The following RRM2B variants were observed in gnomAD, a reference collection of about 807,000 sequenced individuals.
The protein encoded by RRM2B is ribonucleotide reductase regulatory TP53 inducible subunit M2B.
Under a neutral mutation model 45.9 loss-of-function variants are expected in RRM2B, and 20 were observed. That is an observed-to-expected ratio of 0.44 (90% CI 0.31 to 0.63). The LOEUF is 0.63. Ranked by LOEUF, RRM2B falls within the 30% of genes least tolerant of loss-of-function variation. RRM2B has a pLI of 0.09. For missense variants in RRM2B, 320 were observed against 414.7 expected, an observed-to-expected ratio of 0.77 and a Z score of 1.98; for synonymous variants, 124 against 132.3, an observed-to-expected ratio of 0.94 and a Z score of 0.43.
At chr8:102,236,035 A>T (rs940686407) in intron 1 of RRM2B, among the ~76,000 whole-genome samples, 4 of 152,222 alleles carry the variant, frequency 2.6e-5, no homozygotes, top group African/African-American at 9.6e-5. Flanking sequence ...GCTGATATTT[A>T]AAGGGCAGAT....
Position 102,232,188 on chromosome 8 carries a change from C to T in RRM2B, c.165G>A (p.Met55Ile). The T allele has an allele frequency of 1.9e-6, 3 of 1,614,188 alleles. No individual in the cohort carries two copies. The highest frequency in any genetic ancestry group is 2.5e-6 in the Non-Finnish European group (3 of 1,180,020). Residue 55 changes from methionine to isoleucine, a missense_variant, in exon 2 of 9, where the codon ATG (methionine) becomes ATA (isoleucine). This residue lies in a region of RRM2B where 225 missense variants were observed against 289.4 expected (regional missense o/e 0.78). Coordinates refer to ENST00000251810, the MANE Select transcript of RRM2B (RefSeq NM_015713.5). ...FPIQYPDIWK[M>I]YKQAQASFWT... ...AGAAGGAAGCCTGTGCCTGTTTATA[C>T]ATTTTCCAAATATCAGGGTACTGGA...
intron 3 of RRM2B, 32 bp from the exon 4 acceptor site, chr8:102,225,050 T>C (rs751980450): frequency 1.3e-5 from 21 of 1,611,008 alleles, no homozygotes; most frequent in Non-Finnish European, 1.3e-5. Context: ...ATATATCCAG[T>C]TCTATAGGCT....
intron 6 of RRM2B, among the ~76,000 whole-genome samples, chr8:102,214,547 G>A (rs1810692543): frequency 6.6e-6 from 1 of 151,044 alleles, no homozygotes; most frequent in Non-Finnish European, 1.5e-5. Context: ...AATAACAGAT[G>A]AAACTCAGAT....
At chr8:102,222,080 A>T (rs866558584) in intron 5 of RRM2B, among the ~76,000 whole-genome samples, 11 of 143,362 alleles carry the variant, frequency 7.7e-5, no homozygotes, top group South Asian at 2.2e-4. Flanking sequence ...TCCTATTTAA[A>T]TTTTTTTTTT....
chr8:102,231,868 CAAAAA>C (rs1250881056), intron 2 of RRM2B, among the ~76,000 whole-genome samples: 2 of 61,696 alleles, frequency 3.2e-5, no homozygotes, highest in African/African-American at 5.2e-5. Flanking sequence ...GACTCTGTCT[CAAAAA>C]AAAAAAAAAA....
intron 8 of RRM2B, among the ~76,000 whole-genome samples, chr8:102,210,596 A>G (rs1298994144): frequency 2.0e-5 from 3 of 151,734 alleles, no homozygotes; most frequent in Non-Finnish European, 4.4e-5. Flanking sequence ...CCGAGTAGCT[A>G]GGATTACAGG....
intron 7 of RRM2B, among the ~76,000 whole-genome samples, chr8:102,213,677 C>T (rs1267997416): frequency 6.6e-6 from 1 of 151,610 alleles, no homozygotes; most frequent in African/African-American, 2.4e-5. Flanking sequence ...AGCTAGGTAC[C>T]TTGCTACGTT....
chr8:102,220,235 C>A (rs1810807178), intron 5 of RRM2B, among the ~76,000 whole-genome samples: 1 of 152,100 alleles, frequency 6.6e-6, no homozygotes, highest in Non-Finnish European at 1.5e-5. Flanking sequence ...GAGCCCATCT[C>A]AAAAATCATC....
intron 6 of RRM2B, among the ~76,000 whole-genome samples, chr8:102,215,937 C>G: frequency 9.0e-6 from 1 of 111,556 alleles, no homozygotes; most frequent in Non-Finnish European, 1.8e-5. Context: ...AGAGAAAGAC[C>G]CTGTCTCAAA....
intron 1 of RRM2B, among the ~76,000 whole-genome samples, chr8:102,237,229 T>C (rs1342423184): frequency 6.6e-6 from 1 of 152,204 alleles, no homozygotes; most frequent in African/African-American, 2.4e-5. Flanking sequence ...CTCTGAGAAA[T>C]TGACAATAAC....
At chr8:102,223,507 AC>A (rs1325153763) in intron 5 of RRM2B, among the ~76,000 whole-genome samples, 2 of 152,148 alleles carry the variant, frequency 1.3e-5, no homozygotes, top group Admixed American at 1.3e-4. Context: ...AGTCTGGCCA[AC>A]ATGGCAAAAC....
chr8:102,212,314 A>G lies in RRM2B; in HGVS notation c.903+462T>C, dbSNP rs58884526. Among the ~76,000 whole-genome samples, 409 of 152,330 alleles carry G rather than the reference A, an allele frequency of 2.7e-3. 1 individual carries two copies. Among genetic ancestry groups the G allele is most frequent in the African/African-American group, 9.0e-3 (374 of 41,570 alleles). On this transcript the variant is annotated intron_variant, in intron 8 of 8. Transcript: ENST00000251810. ...GTAATGGGAAAACCGCACTGATGAA[A>G]TTCAGGTACATTATCTCTGATAAAT...
chr8:102,226,793 A>C (rs1810940108), intron 2 of RRM2B, among the ~76,000 whole-genome samples: 1 of 152,200 alleles, frequency 6.6e-6, no homozygotes, highest in Non-Finnish European at 1.5e-5. Context: ...GGCTCACTGC[A>C]ACCTTCGCCT....
chr8:102,238,920 C>T lies in RRM2B; in HGVS notation c.-46G>A. The T allele has an allele frequency of 6.3e-7, 1 of 1,594,240 alleles. No homozygotes were observed. The highest frequency in any genetic ancestry group is 2.2e-5 in the East Asian group (1 of 44,808). On this transcript the variant is annotated 5_prime_UTR_variant, in exon 1 of 9. Transcript: ENST00000251810. ...TACGGGCGCTGAGGGAACTGAGCTC[C>T]TCAGGCCACCTCCAACTACGACAGC...
At chr8:102,208,387 A>G in intron 8 of RRM2B, 102 bp from the exon 9 acceptor site, 2 of 852,770 alleles carry the variant, frequency 2.3e-6, no homozygotes, top group Non-Finnish European at 3.8e-6. Flanking sequence ...CTCAAAACCT[A>G]TCTAGTCAGC....
chr8:102,238,438 C>G (rs965679837), intron 1 of RRM2B: 1 of 837,578 alleles, frequency 1.2e-6, no homozygotes, highest in Admixed American at 3.3e-5. Context: ...AAATGGTATG[C>G]ACCTCTCCAG....
intron 6 of RRM2B, among the ~76,000 whole-genome samples, chr8:102,217,966 G>C (rs1266012781): frequency 3.9e-5 from 6 of 152,148 alleles, no homozygotes; most frequent in African/African-American, 4.8e-5. Context: ...ATTTAAATTA[G>C]ATGATTGGAA....
At chr8:102,222,069 T>C (rs547991194) in intron 5 of RRM2B, among the ~76,000 whole-genome samples, 186 of 151,664 alleles carry the variant, frequency 1.2e-3, no homozygotes, top group Non-Finnish European at 2.1e-3. Flanking sequence ...GATTTTCTCA[T>C]TCCTATTTAA....
chr8:102,230,712 T>C (rs897522467), intron 2 of RRM2B, among the ~76,000 whole-genome samples: 5 of 152,228 alleles, frequency 3.3e-5, no homozygotes, highest in Admixed American at 6.5e-5. Flanking sequence ...ATTAGTGTAA[T>C]AGAAGCTTCA....
Sources: gnomAD v4.1 joint callset for allele counts (sites outside exome capture counted in the v4.1 genomes callset) on GRCh38, gnomAD v4.1.1 for gene constraint, gnomAD v4.1.1 regional missense constraint, MANE v1.5 for transcripts, NCBI Gene and HGNC (gene_info 2026-07-23, HGNC 2026-07-21) for gene names.